ZNF385D: variants seen among roughly 807,000 people sequenced by gnomAD.
ZNF385D encodes zinc finger protein 385D.
Under a neutral mutation model 35.8 loss-of-function variants are expected in ZNF385D, and 15 were observed. The ratio of observed to expected loss-of-function variants is 0.42; its 90% confidence interval spans 0.28 to 0.64. ZNF385D has a LOEUF of 0.64. ZNF385D is among the 30% of genes least tolerant of loss of function. The pLI is 0.23. For synonymous variants in ZNF385D, 212 were observed against 186.8 expected (o/e 1.13, Z -1.10); for missense variants, 474 against 494.6 (o/e 0.96, Z 0.39).
chr3:22,225,830 A>G (rs767501502), intron 2 of ZNF385D, among the ~76,000 whole-genome samples: 36 of 152,224 alleles, frequency 2.4e-4, no homozygotes, highest in African/African-American at 8.4e-4. Context: ...CTAGATTTAT[A>G]CAAATGTGAT....
chr3:21,757,655 C>A (rs773821362), intron 3 of ZNF385D, among the ~76,000 whole-genome samples: 27 of 152,152 alleles, frequency 1.8e-4, no homozygotes, highest in Non-Finnish European at 3.1e-4. Context: ...AAATTACAGA[C>A]ACCTCTGTAT....
chr3:22,289,297 T>C (rs745820954), intron 2 of ZNF385D, among the ~76,000 whole-genome samples: 17 of 152,152 alleles, frequency 1.1e-4, no homozygotes, highest in Non-Finnish European at 1.0e-4. Flanking sequence ...TCTAGGTGGG[T>C]AGGGAGTCAA....
At chr3:22,284,145 A>T (rs1049261853) in intron 2 of ZNF385D, among the ~76,000 whole-genome samples, 2 of 152,020 alleles carry the variant, frequency 1.3e-5, no homozygotes, top group African/African-American at 4.8e-5. Context: ...ATCAATCTTT[A>T]AAAGCTTAAA....
At chr3:22,129,622 G>T (rs546496010) in intron 3 of ZNF385D, among the ~76,000 whole-genome samples, 2 of 152,114 alleles carry the variant, frequency 1.3e-5, no homozygotes, top group African/African-American at 4.8e-5. Context: ...CAGATTTGTG[G>T]TGACTGTAGC....
At chr3:22,087,239 A>G (rs1344970166) in intron 3 of ZNF385D, among the ~76,000 whole-genome samples, 1 of 150,500 alleles carries the variant, frequency 6.6e-6, no homozygotes. Flanking sequence ...TTTTTTTTTC[A>G]CTGTGGCCAC....
intron 4 of ZNF385D, among the ~76,000 whole-genome samples, chr3:21,461,881 G>T (rs762020911): frequency 6.6e-6 from 1 of 152,194 alleles, no homozygotes; most frequent in Non-Finnish European, 1.5e-5. Context: ...AGACATATCT[G>T]TGGCCTTATT....
chr3:21,946,378 G>A (rs1266998962), intron 3 of ZNF385D, among the ~76,000 whole-genome samples: 2 of 152,048 alleles, frequency 1.3e-5, no homozygotes, highest in African/African-American at 4.8e-5. Context: ...CAGTCTACAT[G>A]GAGTCACCCA....
chr3:22,345,121 A>G (rs1695598248), intron 2 of ZNF385D, among the ~76,000 whole-genome samples: 2 of 152,224 alleles, frequency 1.3e-5, no homozygotes, highest in African/African-American at 4.8e-5. Context: ...GCTATGTGAT[A>G]CAGTATTAAC....
chr3:21,938,878 C>T (rs770678186), intron 3 of ZNF385D, among the ~76,000 whole-genome samples: 3 of 152,136 alleles, frequency 2.0e-5, no homozygotes, highest in Non-Finnish European at 2.9e-5. Context: ...TAATTTTATT[C>T]GTTACTTTGC....
chr3:21,962,972 C>T (rs962510489), intron 3 of ZNF385D, among the ~76,000 whole-genome samples: 3 of 152,192 alleles, frequency 2.0e-5, no homozygotes, highest in Non-Finnish European at 4.4e-5. Flanking sequence ...CCAAGATTAT[C>T]TCTGACAACT....
intron 3 of ZNF385D, among the ~76,000 whole-genome samples, chr3:21,828,157 G>T (rs2630815): frequency 6.6e-6 from 1 of 152,060 alleles, no homozygotes; most frequent in African/African-American, 2.4e-5. Context: ...CGCAGACTAG[G>T]GTTGGTTATA....
chr3:21,511,117 A>G, intron 3 of ZNF385D, 94 bp from the exon 4 acceptor site: 2 of 1,488,832 alleles, frequency 1.3e-6, no homozygotes, highest in South Asian at 2.5e-5. Flanking sequence ...TTTCAATAAC[A>G]GGTACCATTC....
chr3:22,326,553 G>A (rs977564519), intron 2 of ZNF385D, among the ~76,000 whole-genome samples: 2 of 152,142 alleles, frequency 1.3e-5, no homozygotes, highest in Non-Finnish European at 2.9e-5. Flanking sequence ...TCAGGGCAAG[G>A]TAGAACGGGA....
chr3:21,513,994 C>G (rs1377041449), intron 3 of ZNF385D, among the ~76,000 whole-genome samples: 2 of 152,072 alleles, frequency 1.3e-5, no homozygotes, highest in Non-Finnish European at 2.9e-5. Context: ...TATTCATCCA[C>G]ATTTTCTCTC....
At chr3:22,292,369 A>G (rs1028447274) in intron 2 of ZNF385D, among the ~76,000 whole-genome samples, 2 of 152,044 alleles carry the variant, frequency 1.3e-5, no homozygotes, top group African/African-American at 4.8e-5. Context: ...GTAATCTGCA[A>G]TTAAGTGTTA....
intron 2 of ZNF385D, among the ~76,000 whole-genome samples, chr3:22,343,824 T>G (rs149213161): frequency 1.3e-5 from 2 of 152,208 alleles, no homozygotes; most frequent in African/African-American, 4.8e-5. Flanking sequence ...GTGCCCCTTG[T>G]ACAGTCATTC....
chr3:21,798,370 G>A (rs564619753), intron 3 of ZNF385D, among the ~76,000 whole-genome samples: 3 of 152,228 alleles, frequency 2.0e-5, no homozygotes, highest in South Asian at 4.1e-4. Context: ...CAAATCCAGA[G>A]GTCTGTACGA....
At chr3:22,141,242 T>C (rs1263449749) in intron 3 of ZNF385D, among the ~76,000 whole-genome samples, 12 of 152,060 alleles carry the variant, frequency 7.9e-5, no homozygotes. Flanking sequence ...CTTCAGAGGG[T>C]GGCACAGCAT....
intron 3 of ZNF385D, among the ~76,000 whole-genome samples, chr3:22,057,946 G>A (rs1699493240): frequency 6.6e-6 from 1 of 152,180 alleles, no homozygotes. Context: ...TGACAAACAT[G>A]CCATTTAGGC....
Sources: allele counts gnomAD v4.1 joint callset (sites outside exome capture counted in the v4.1 genomes callset), GRCh38; gene constraint gnomAD v4.1.1; transcripts MANE v1.5; gene names NCBI Gene and HGNC (gene_info 2026-07-23, HGNC 2026-07-21).